The following PTPRN2 variants were observed in gnomAD, a reference collection of about 807,000 sequenced individuals.
PTPRN2 encodes the protein protein tyrosine phosphatase receptor type N2.
In PTPRN2, 74 loss-of-function variants were observed where a neutral mutation model predicts 118.8. The ratio of observed to expected loss-of-function variants is 0.62; its 90% confidence interval spans 0.52 to 0.76. PTPRN2 has a LOEUF of 0.76. Ranked by LOEUF, PTPRN2 falls within the 30% of genes least tolerant of loss-of-function variation. The probability of loss-of-function intolerance (pLI) is 0.00; values close to 1 mark genes in which losing one functional copy is unlikely to be tolerated. For missense variants in PTPRN2, 1,481 were observed against 1,394.4 expected (o/e 1.06, Z -0.99); for synonymous variants, 641 against 608.0 (o/e 1.05, Z -0.80).
rs1478278453 is a variant in PTPRN2, at chr7:158,110,905, G to A, written c.1567C>T (p.Pro523Ser). The change falls in exon 10 of 23, where the codon CCC (proline) becomes TCC (serine). Residue 523 changes from proline (P) to serine (S), a missense_variant. Transcript: ENST00000389418. ...TCCACCAGCCGCCTTCCTTCCTCGG[G>A]GCGCAGGGGGCTGCGGATGACAGCA... ...YIVTDRDPLR[P>S]EEGRRLVEDV... is the part of the protein sequence containing the mutation. 2 of 1,565,180 alleles carry A rather than the reference G, an allele frequency of 1.3e-6. No individual in the cohort carries two copies. The highest frequency in any genetic ancestry group is 1.7e-6 in the Non-Finnish European group (2 of 1,156,044).
intron 11 of PTPRN2, among the ~76,000 whole-genome samples, chr7:158,076,908 T>C (rs1812403300): frequency 6.6e-6 from 1 of 152,228 alleles, no homozygotes; most frequent in African/African-American, 2.4e-5. Flanking sequence ...TGTGATGCAT[T>C]GCCGAAGACA....
At chr7:158,503,667 A>G (rs990952974) in intron 1 of PTPRN2, among the ~76,000 whole-genome samples, 1 of 152,202 alleles carries the variant, frequency 6.6e-6, no homozygotes, top group Non-Finnish European at 1.5e-5. Context: ...GTTACCATGG[A>G]CAAATCACTC....
chr7:158,171,308 C>CACACATAT (rs1404282409), intron 5 of PTPRN2, among the ~76,000 whole-genome samples: 2 of 48,678 alleles, frequency 4.1e-5, no homozygotes, highest in East Asian at 7.0e-4. Context: ...TATATACACA[C>CACACATAT]ATATATATAT....
intron 14 of PTPRN2, among the ~76,000 whole-genome samples, chr7:157,651,564 G>T (rs1400626363): frequency 6.6e-6 from 1 of 152,194 alleles, no homozygotes; most frequent in Non-Finnish European, 1.5e-5. Context: ...GGCGTAATTA[G>T]TCACATCGGG....
chr7:158,035,329 C>T (rs926758268), intron 11 of PTPRN2, among the ~76,000 whole-genome samples: 7 of 152,180 alleles, frequency 4.6e-5, no homozygotes, highest in Admixed American at 3.3e-4. Flanking sequence ...TGCATAAATA[C>T]TGTAAATAAA....
chr7:157,691,445 A>G (rs1797493370), intron 12 of PTPRN2, among the ~76,000 whole-genome samples: 1 of 152,004 alleles, frequency 6.6e-6, no homozygotes, highest in African/African-American at 2.4e-5. Context: ...CTCCCTTTCC[A>G]AATGGAAGCA....
intron 12 of PTPRN2, among the ~76,000 whole-genome samples, chr7:157,706,563 C>T (rs1294531393): frequency 2.8e-5 from 4 of 145,086 alleles, no homozygotes; most frequent in African/African-American, 7.7e-5. Flanking sequence ...TCTGGATAAA[C>T]GTGGACCACA....
chr7:157,547,658 ACT>A (rs1219389087), intron 22 of PTPRN2, among the ~76,000 whole-genome samples: 1 of 152,094 alleles, frequency 6.6e-6, no homozygotes, highest in Non-Finnish European at 1.5e-5. Context: ...CCCGCGGGAC[ACT>A]GAGTAACCAC....
At chr7:158,151,514 TCACC>T (rs1563522283) in intron 6 of PTPRN2, among the ~76,000 whole-genome samples, 313 of 146,126 alleles carry the variant, frequency 2.1e-3, no homozygotes, top group East Asian at 2.6e-3. Flanking sequence ...TTTCTGCTCC[TCACC>T]GCACGTCCTA....
At chr7:158,579,511 G>C (rs1828515837) in intron 1 of PTPRN2, among the ~76,000 whole-genome samples, 1 of 152,218 alleles carries the variant, frequency 6.6e-6, no homozygotes, top group Non-Finnish European at 1.5e-5. Flanking sequence ...TAAATCCAGA[G>C]AGATTATAGG....
intron 3 of PTPRN2, among the ~76,000 whole-genome samples, chr7:158,310,996 C>A (rs747150994): frequency 2.0e-5 from 3 of 152,278 alleles, no homozygotes; most frequent in Non-Finnish European, 2.9e-5. Flanking sequence ...GCCTGGAGGT[C>A]GGGTAGGGGG....
chr7:158,007,655 A>G (rs944492520), intron 11 of PTPRN2, among the ~76,000 whole-genome samples: 5 of 152,188 alleles, frequency 3.3e-5, no homozygotes, highest in Admixed American at 2.0e-4. Flanking sequence ...CTAGAAAGAA[A>G]AGTATCACAG....
intron 1 of PTPRN2, among the ~76,000 whole-genome samples, chr7:158,549,938 A>T (rs1826535467): frequency 6.6e-6 from 1 of 152,182 alleles, no homozygotes; most frequent in South Asian, 2.1e-4. Context: ...CACGAAAGGG[A>T]AGCAGGCCTG....
intron 13 of PTPRN2, among the ~76,000 whole-genome samples, chr7:157,670,209 C>T (rs539236019): frequency 1.3e-5 from 2 of 152,276 alleles, no homozygotes; most frequent in East Asian, 1.9e-4. Flanking sequence ...GGCTGGGAAA[C>T]GCAGGTGCTC....
rs183190391 is a variant in PTPRN2 at position 157,869,277 on chromosome 7, C to A, written c.1788+29396G>T. 6.6e-6 allele frequency: 1 copy of A among 152,212 alleles called. No individual in the cohort carries two copies. Among genetic ancestry groups the A allele is most frequent in the East Asian group, 1.9e-4 (1 of 5,164 alleles). The allele number at this position is 152,212 out of a possible 1,614,324, so 9.4% of individuals were successfully genotyped here. On this transcript the variant is annotated intron_variant, in intron 12 of 22. Transcript: ENST00000389418. This position sits in a 1 kb window ranked among gnomAD's most constrained non-coding sequence, Gnocchi z 4.2. The stretch of plus-strand genomic sequence containing the variant: ...AGGCCTGCTGGGAGGTCTGTGGACT[C>A]CAGGCCGCTCACTTATCCCCATGCA...
chr7:158,338,357 C>G (rs1317370860), intron 2 of PTPRN2, among the ~76,000 whole-genome samples: 2 of 7,008 alleles, frequency 2.9e-4, no homozygotes, highest in African/African-American at 7.1e-4. Context: ...CATCCACACT[C>G]TCACCATAAG....
intron 12 of PTPRN2, among the ~76,000 whole-genome samples, chr7:157,741,533 C>T (rs561287457): frequency 2.6e-5 from 4 of 152,332 alleles, no homozygotes; most frequent in South Asian, 4.1e-4. Context: ...GAATCAGTCC[C>T]TCCTGGAACC....
At chr7:157,737,403 G>A (rs1359463473) in intron 12 of PTPRN2, among the ~76,000 whole-genome samples, 1 of 152,244 alleles carries the variant, frequency 6.6e-6, no homozygotes, top group Non-Finnish European at 1.5e-5. Context: ...GGGCTTGGAG[G>A]GCACGTGTGC....
chr7:157,938,171 C>T (rs724536), intron 11 of PTPRN2, among the ~76,000 whole-genome samples: 59,002 of 152,138 alleles, frequency 0.39, 13,724 homozygotes, highest in East Asian at 0.64. Context: ...GCCAAATGCA[C>T]GCACAGATTA....
Sources: allele counts gnomAD v4.1 joint callset (sites outside exome capture counted in the v4.1 genomes callset), GRCh38; gene constraint gnomAD v4.1.1; non-coding constraint Gnocchi (gnomAD v3.1); transcripts MANE v1.5; gene names NCBI Gene and HGNC (gene_info 2026-07-23, HGNC 2026-07-21).